The following PTK2B variants were observed in gnomAD, a reference collection of about 807,000 sequenced individuals.
The protein encoded by PTK2B is protein tyrosine kinase 2 beta.
A neutral mutation model predicts 142.9 loss-of-function variants in PTK2B; 71 were observed. That is an observed-to-expected ratio of 0.50 (90% CI 0.41 to 0.61). The LOEUF is 0.61. Ranked by LOEUF, PTK2B falls within the 20% of genes least tolerant of loss-of-function variation. The probability of loss-of-function intolerance (pLI) is 0.00; values close to 1 mark genes in which losing one functional copy is unlikely to be tolerated. For synonymous variants in PTK2B, 519 were observed against 503.4 expected (o/e 1.03, Z -0.42); for missense variants, 1,105 against 1,320.4 (o/e 0.84, Z 2.53).
At chr8:27,435,943 G>A in intron 14 of PTK2B, 150 bp downstream of exon 14, 1 of 1,062,182 alleles carries the variant, frequency 9.4e-7, no homozygotes, top group South Asian at 1.4e-5. Context: ...AGATGCCTTG[G>A]ATTTGAAAGC....
intron 21 of PTK2B, among the ~76,000 whole-genome samples, chr8:27,441,539 G>A (rs1423574320): frequency 2.0e-5 from 3 of 152,164 alleles, no homozygotes; most frequent in African/African-American, 7.2e-5. Flanking sequence ...CTGCCTGGTG[G>A]GGAGGCACCC....
intron 2 of PTK2B, among the ~76,000 whole-genome samples, chr8:27,414,306 G>A (rs922356108): frequency 1.3e-5 from 2 of 151,626 alleles, no homozygotes; most frequent in African/African-American, 4.9e-5. Context: ...GTTCAGTGGC[G>A]CAATCTCTGC....
chr8:27,375,774 G>A (rs919547037), intron 1 of PTK2B, among the ~76,000 whole-genome samples: 6 of 152,164 alleles, frequency 3.9e-5, no homozygotes, highest in African/African-American at 7.2e-5. Flanking sequence ...ATATAGAAGC[G>A]TGCCATGTCC....
At chr8:27,361,296 A>G (rs1341395598) in intron 1 of PTK2B, among the ~76,000 whole-genome samples, 2 of 152,094 alleles carry the variant, frequency 1.3e-5, no homozygotes, top group African/African-American at 2.4e-5. Context: ...ATAGCTCACT[A>G]CAGCCTCGAA....
At chr8:27,426,694 C>G (rs550426438) in intron 5 of PTK2B, among the ~76,000 whole-genome samples, 3 of 152,146 alleles carry the variant, frequency 2.0e-5, no homozygotes, top group African/African-American at 7.2e-5. Context: ...AAATGATCTT[C>G]GATGCCTGAG....
intron 1 of PTK2B, among the ~76,000 whole-genome samples, chr8:27,369,154 T>A (rs939977704): frequency 4.6e-5 from 7 of 152,176 alleles, no homozygotes; most frequent in Admixed American, 2.0e-4. Context: ...CTCTTCCCCA[T>A]GTTTTCCAAC....
At chr8:27,372,136 TGTG>T in intron 1 of PTK2B, among the ~76,000 whole-genome samples, 1 of 152,204 alleles carries the variant, frequency 6.6e-6, no homozygotes, top group Non-Finnish European at 1.5e-5. Flanking sequence ...ATGATATAAA[TGTG>T]GTCAGTGAGC....
At position 27,428,994 on chromosome 8, in the gene PTK2B, A is replaced by G. The variant is rs575407332; in HGVS notation, c.552-1099A>G. Among the ~76,000 whole-genome samples the G allele has an allele frequency of 8.6e-4, 131 of 152,220 alleles. 1 individual carries two copies. The highest frequency in any genetic ancestry group is 3.4e-3 in the Middle Eastern group (1 of 294). On this transcript the variant is annotated intron_variant, in intron 5 of 30. Transcript: ENST00000346049. ...GAGTGCAATGGTGCAATCTCGGCTC[A>G]CTGCAACCTCCGCCTCCTGGGTTCA...
intron 1 of PTK2B, among the ~76,000 whole-genome samples, chr8:27,389,518 A>G (rs1300872888): frequency 1.3e-5 from 2 of 152,088 alleles, no homozygotes; most frequent in East Asian, 1.9e-4. Flanking sequence ...AGCCCAGGGT[A>G]ATGCATCCCT....
chr8:27,450,626 GA>G (rs1395312430), intron 24 of PTK2B, 122 bp from the exon 25 acceptor site: 26 of 1,258,956 alleles, frequency 2.1e-5, no homozygotes, highest in Middle Eastern at 1.9e-4. Context: ...AAACTTATGA[GA>G]AAAAAGCAGC....
chr8:27,404,221 A>G (rs1563256970), intron 2 of PTK2B, among the ~76,000 whole-genome samples: 1 of 152,014 alleles, frequency 6.6e-6, no homozygotes, highest in Non-Finnish European at 1.5e-5. Flanking sequence ...TTCTCCCTCC[A>G]GCTTCCTCCA....
In PTK2B at chr8:27,332,692, C is replaced by T. The variant is rs187303665; in HGVS notation, c.-38+7011C>T. 2.4e-4 allele frequency among the ~76,000 whole-genome samples: 37 copies of T among 152,268 alleles called. 1 individual carries two copies. The highest frequency in any genetic ancestry group is 1.5e-3 in the Admixed American group (23 of 15,296). ...GACCTCTCAGGCTCAAGCAATCCTCCGGCCTCAGCCTCCTGAGTAGCTGGG... is the reference window on the plus strand; with the variant it reads ...GACCTCTCAGGCTCAAGCAATCCTCTGGCCTCAGCCTCCTGAGTAGCTGGG... On this transcript the variant is annotated intron_variant, in intron 1 of 30. Coordinates refer to ENST00000346049, the MANE Select transcript of PTK2B (RefSeq NM_173176.3).
intron 2 of PTK2B, among the ~76,000 whole-genome samples, chr8:27,418,118 A>C (rs1285001347): frequency 2.6e-5 from 4 of 152,214 alleles, no homozygotes; most frequent in Non-Finnish European, 5.9e-5. Flanking sequence ...ACAACTGCTC[A>C]CAAGTGCATT....
intron 1 of PTK2B, among the ~76,000 whole-genome samples, chr8:27,371,458 G>A (rs773669624): frequency 1.3e-5 from 2 of 152,014 alleles, no homozygotes; most frequent in Non-Finnish European, 1.5e-5. Flanking sequence ...TCTTAGCTCT[G>A]TTACCTTGGG....
chr8:27,365,454 C>T (rs1428588953), intron 1 of PTK2B, among the ~76,000 whole-genome samples: 1 of 152,154 alleles, frequency 6.6e-6, no homozygotes, highest in African/African-American at 2.4e-5. Flanking sequence ...AAGACAGGGA[C>T]CTGCCTAAGC....
chr8:27,419,728 G>A (rs979192729), intron 2 of PTK2B, among the ~76,000 whole-genome samples, 167 bp from the exon 3 acceptor site: 1 of 152,198 alleles, frequency 6.6e-6, no homozygotes, highest in Non-Finnish European at 1.5e-5. Flanking sequence ...TTATCAGATA[G>A]AGCCCATTGT....
intron 30 of PTK2B, among the ~76,000 whole-genome samples, chr8:27,455,497 C>T (rs146184800): frequency 3.0e-4 from 46 of 152,302 alleles, no homozygotes; most frequent in African/African-American, 8.2e-4. Context: ...TGCAGTGAGC[C>T]ATGGTCATAC....
At chr8:27,368,399 A>C in intron 1 of PTK2B, among the ~76,000 whole-genome samples, 1 of 151,592 alleles carries the variant, frequency 6.6e-6, no homozygotes. Context: ...CACCATCACT[A>C]CCTCACCAAA....
intron 1 of PTK2B, among the ~76,000 whole-genome samples, chr8:27,327,904 G>A (rs1237524028): frequency 6.6e-6 from 1 of 152,180 alleles, no homozygotes; most frequent in Non-Finnish European, 1.5e-5. Context: ...AGGAAACATG[G>A]TACATATTGA....
Sources: gnomAD v4.1 joint callset for allele counts (sites outside exome capture counted in the v4.1 genomes callset) on GRCh38, gnomAD v4.1.1 for gene constraint, MANE v1.5 for transcripts, NCBI Gene and HGNC (gene_info 2026-07-23, HGNC 2026-07-21) for gene names.